The following FRMD4A variants were observed in gnomAD, a reference collection of about 807,000 sequenced individuals.
FRMD4A encodes the protein FERM domain-containing protein 4A.
FRMD4A carries 29 observed loss-of-function variants against 129.1 expected under a neutral mutation model. The observed-to-expected ratio is 0.22, with a 90% CI of 0.17 to 0.31. FRMD4A has a LOEUF of 0.31. Among genes scored for constraint, FRMD4A ranks in the 10% least tolerant of loss-of-function variants. The pLI, the probability that FRMD4A is intolerant of heterozygous loss-of-function variation, is 1.00. For synonymous variants in FRMD4A, 634 were observed against 571.6 expected, an observed-to-expected ratio of 1.11 and a Z score of -1.56; for missense variants, 1,272 against 1,375.8, an observed-to-expected ratio of 0.92 and a Z score of 1.19.
At chr10:14,037,515 G>A (rs1833557148) in intron 2 of FRMD4A, among the ~76,000 whole-genome samples, 1 of 152,196 alleles carries the variant, frequency 6.6e-6, no homozygotes, top group Admixed American at 6.5e-5. Context: ...ACCTAGCCCG[G>A]AACATTTCAT....
intron 2 of FRMD4A, among the ~76,000 whole-genome samples, chr10:14,129,858 T>A (rs1839147812): frequency 6.6e-6 from 1 of 152,220 alleles, no homozygotes; most frequent in Non-Finnish European, 1.5e-5. Context: ...GCAAACTTCC[T>A]TGCCTGCAAG....
At chr10:14,305,291 T>C (rs1846312627) in intron 2 of FRMD4A, among the ~76,000 whole-genome samples, 1 of 152,206 alleles carries the variant, frequency 6.6e-6, no homozygotes, top group South Asian at 2.1e-4. Context: ...TAAGGGAGAT[T>C]GCTGTGTCCC....
intron 2 of FRMD4A, among the ~76,000 whole-genome samples, chr10:14,189,548 T>C (rs1021748879): frequency 2.6e-5 from 4 of 152,112 alleles, no homozygotes; most frequent in African/African-American, 9.7e-5. Flanking sequence ...CACTCCAGCC[T>C]GGGCAACAAG....
intron 2 of FRMD4A, among the ~76,000 whole-genome samples, chr10:13,998,169 T>C (rs985480784): frequency 6.6e-6 from 1 of 152,134 alleles, no homozygotes; most frequent in African/African-American, 2.4e-5. Flanking sequence ...CCACACACAT[T>C]CCCCAGATGT....
chr10:14,122,564 G>A (rs1174133307), intron 2 of FRMD4A, among the ~76,000 whole-genome samples: 2 of 149,720 alleles, frequency 1.3e-5, no homozygotes, highest in African/African-American at 2.5e-5. Flanking sequence ...GTGAAGCGGG[G>A]AGCAGGCATA....
chr10:13,982,142 T>A lies in FRMD4A; in HGVS notation c.46-123230A>T, dbSNP rs545939272. Among the ~76,000 whole-genome samples the A allele has an allele frequency of 1.5e-4, 23 of 152,066 alleles. No individual in the cohort carries two copies. In the South Asian group the frequency reaches 4.8e-3, roughly 32 times the overall value. ...AAGCCAGCCATAAAACCTAAAAATG[T>A]CACTTGAAATTTCCCCTTTTACATC... is the stretch of plus-strand genomic sequence containing the variant. On this transcript the variant is annotated intron_variant, in intron 2 of 24. Transcript: ENST00000357447.
chr10:13,903,988 G>A (rs1217606717), intron 2 of FRMD4A, among the ~76,000 whole-genome samples: 1 of 152,150 alleles, frequency 6.6e-6, no homozygotes, highest in Non-Finnish European at 1.5e-5. Flanking sequence ...CTTCCTAACC[G>A]ATTGCCTCCC....
Position 13,701,394 on chromosome 10 carries a change from G to T in FRMD4A, c.921C>A (p.Ile307=), listed in dbSNP as rs2086817351. The change falls in exon 14 of 25, where the codon ATC becomes ATA. Residue 307 remains isoleucine (I), a synonymous_variant. Transcript: ENST00000357447. ...GGTGTTGGCTTATGGCCATAGCCCA[G>T]ATGGACTTGATCAATGCCGGACATG... The part of the protein sequence containing the change: ...WYACPALIKS[I]WAMAISQHQF... The T allele has an allele frequency of 3.7e-6, 6 of 1,613,988 alleles. No individual in the cohort carries two copies. In the East Asian group the frequency reaches 1.3e-4, roughly 36 times the overall value.
chr10:13,964,672 TTG>T (rs1185836027), intron 2 of FRMD4A, among the ~76,000 whole-genome samples: 528 of 100,536 alleles, frequency 5.3e-3, no homozygotes, highest in African/African-American at 0.019. Context: ...GCCTCTTCTT[TTG>T]TTTTTTTTTT....
chr10:13,834,599 C>G (rs2093844007), intron 3 of FRMD4A, among the ~76,000 whole-genome samples: 1 of 152,202 alleles, frequency 6.6e-6, no homozygotes, highest in African/African-American at 2.4e-5. Flanking sequence ...TTTTGAAGAA[C>G]TGACTTCATC....
chr10:13,669,651 A>G (rs898691762), intron 17 of FRMD4A, among the ~76,000 whole-genome samples: 1 of 152,252 alleles, frequency 6.6e-6, no homozygotes, highest in African/African-American at 2.4e-5. Context: ...AACTTCCTTC[A>G]GAAGAAATCT....
chr10:13,655,843 T>C (rs2082095530), intron 22 of FRMD4A: 1 of 152,226 alleles, frequency 6.6e-6, no homozygotes, highest in African/African-American at 2.4e-5. Context: ...GGTAAGAGTA[T>C]GTTAATAAGC....
intron 2 of FRMD4A, among the ~76,000 whole-genome samples, chr10:14,106,915 C>CACTATTT (rs1454594762): frequency 6.6e-6 from 1 of 152,104 alleles, no homozygotes; most frequent in East Asian, 1.9e-4. Flanking sequence ...TTTATCACAG[C>CACTATTT]ACTATTTACA....
At chr10:14,198,117 AT>A (rs1385022078) in intron 2 of FRMD4A, among the ~76,000 whole-genome samples, 1 of 152,206 alleles carries the variant, frequency 6.6e-6, no homozygotes, top group African/African-American at 2.4e-5. Flanking sequence ...CCCAGAGCGT[AT>A]TAGCTGAGAT....
chr10:13,817,635 C>T lies in FRMD4A; in HGVS notation c.112-6727G>A, dbSNP rs139562818. ...TCACAAGATCTGACGGTTTTATAAA[C>T]GGGAGTTCCCCTGCACAAGCTCTCT... is the stretch of plus-strand genomic sequence containing the variant. On this transcript the variant is annotated intron_variant, in intron 3 of 24. Coordinates refer to ENST00000357447, the MANE Select transcript of FRMD4A (RefSeq NM_018027.5). 1.3e-3 allele frequency among the ~76,000 whole-genome samples: 191 copies of T among 152,312 alleles called. 2 individuals are homozygous for T. The highest frequency in any genetic ancestry group is 4.4e-3 in the African/African-American group (183 of 41,568).
intron 2 of FRMD4A, among the ~76,000 whole-genome samples, chr10:14,246,616 C>A (rs1844250357): frequency 6.6e-6 from 1 of 152,200 alleles, no homozygotes; most frequent in Non-Finnish European, 1.5e-5. Flanking sequence ...TGTGCGCACA[C>A]ACACGCACAT....
At chr10:13,778,023 G>T (rs940311813) in intron 6 of FRMD4A, among the ~76,000 whole-genome samples, 4 of 151,754 alleles carry the variant, frequency 2.6e-5, no homozygotes, top group Admixed American at 1.3e-4. Context: ...GGCTGGTCTC[G>T]AACTCCTGAC....
At chr10:13,936,348 G>A (rs148080712) in intron 2 of FRMD4A, among the ~76,000 whole-genome samples, 182 of 152,202 alleles carry the variant, frequency 1.2e-3, no homozygotes, top group African/African-American at 4.1e-3. Context: ...CAAACTCTTC[G>A]GACCAGTCTC....
chr10:13,768,179 A>G (rs2092347996), intron 6 of FRMD4A, among the ~76,000 whole-genome samples: 1 of 152,080 alleles, frequency 6.6e-6, no homozygotes, highest in African/African-American at 2.4e-5. Context: ...CAGGTGACTG[A>G]ACTGCCGAAG....
Sources: allele counts gnomAD v4.1 joint callset (sites outside exome capture counted in the v4.1 genomes callset), GRCh38; gene constraint gnomAD v4.1.1; transcripts MANE v1.5; gene names NCBI Gene and HGNC (gene_info 2026-07-23, HGNC 2026-07-21).